Variants in CDH4 observed in about 807,000 individuals in gnomAD.
CDH4 encodes cadherin 4.
A neutral mutation model predicts 86.0 loss-of-function variants in CDH4; 33 were observed. The observed-to-expected ratio is 0.38, with a 90% CI of 0.29 to 0.51. The LOEUF (loss-of-function observed/expected upper bound fraction) is 0.51, where lower values mean the gene tolerates loss of function less well. Among genes scored for constraint, CDH4 ranks in the 20% least tolerant of loss-of-function variants. CDH4 has a pLI of 0.86. For missense variants in CDH4, 1,114 were observed against 1,307.4 expected (o/e 0.85, Z 2.28); for synonymous variants, 555 against 549.4 (o/e 1.01, Z -0.14).
intron 5 of CDH4, among the ~76,000 whole-genome samples, chr20:61,849,428 G>A (rs1982610663): frequency 6.6e-6 from 1 of 152,346 alleles, no homozygotes; most frequent in South Asian, 2.1e-4. Context: ...TCACCGTGCT[G>A]TAGGTCAGAA....
intron 2 of CDH4, among the ~76,000 whole-genome samples, chr20:61,394,443 G>A (rs183039718): frequency 2.0e-4 from 30 of 152,286 alleles, no homozygotes; most frequent in African/African-American, 5.8e-4. Context: ...CTGGAAAGAT[G>A]TGTATTTCTT....
intron 2 of CDH4, among the ~76,000 whole-genome samples, chr20:61,399,279 C>T (rs2085036636): frequency 9.3e-6 from 1 of 107,874 alleles, no homozygotes. Context: ...ACTACAGGCG[C>T]CCGCCACCAT....
chr20:61,846,951 C>T (rs1982483015), intron 5 of CDH4, among the ~76,000 whole-genome samples: 1 of 152,206 alleles, frequency 6.6e-6, no homozygotes, highest in Non-Finnish European at 1.5e-5. Context: ...CTGAGGGGCA[C>T]CAGAAGTGCT....
At position 61,928,252 on chromosome 20, in the gene CDH4, G is replaced by A. The variant is rs150253018; in HGVS notation, c.1834G>A (p.Ala612Thr). The A allele has an allele frequency of 2.1e-5, 33 of 1,607,512 alleles. No homozygotes were observed. The highest frequency in any genetic ancestry group is 1.6e-4 in the Middle Eastern group (1 of 6,084). The change falls in exon 12 of 16, where the codon GCC becomes ACC. Residue 612 changes from alanine (A) to threonine (T), a missense_variant. Ala to Thr is a moderately conservative substitution (Grantham distance 58). Coordinates refer to ENST00000614565, the MANE Select transcript of CDH4 (RefSeq NM_001794.5). ...CTATCTCATTGACATCAACGACAAC[G>A]CCCCTGAGCTGCTGCCCAAGGAGGC... ...QIYLIDINDN[A>T]PELLPKEAQI...
intron 2 of CDH4, among the ~76,000 whole-genome samples, chr20:61,446,885 C>A (rs1321364722): frequency 6.6e-6 from 1 of 152,130 alleles, no homozygotes; most frequent in African/African-American, 2.4e-5. Flanking sequence ...GTTATTTACA[C>A]ATTTTTATAT....
chr20:61,273,770 G>GTT (rs1290070158), intron 2 of CDH4, among the ~76,000 whole-genome samples: 1 of 147,396 alleles, frequency 6.8e-6, no homozygotes, highest in African/African-American at 2.5e-5. Context: ...ACTGTGCACA[G>GTT]TTTGGAGGAG....
intron 2 of CDH4, among the ~76,000 whole-genome samples, chr20:61,537,879 C>T (rs1011932125): frequency 6.6e-6 from 1 of 152,154 alleles, no homozygotes; most frequent in Non-Finnish European, 1.5e-5. Flanking sequence ...AGGGGCCGAG[C>T]GAGTCGGCTG....
At chr20:61,620,171 T>TGGATGGGTGGAC (rs2086759430) in intron 2 of CDH4, among the ~76,000 whole-genome samples, 1 of 57,954 alleles carries the variant, frequency 1.7e-5, no homozygotes, top group African/African-American at 5.9e-5. Context: ...GATGGATGGA[T>TGGATGGGTGGAC]GGATGGGTGG....
intron 2 of CDH4, among the ~76,000 whole-genome samples, chr20:61,581,821 C>G (rs2086431050): frequency 6.6e-6 from 1 of 152,208 alleles, no homozygotes; most frequent in Non-Finnish European, 1.5e-5. Context: ...CCATGCTTGT[C>G]TGGAATGCCT....
intron 2 of CDH4, among the ~76,000 whole-genome samples, chr20:61,372,333 C>G (rs2084845431): frequency 1.3e-5 from 2 of 152,224 alleles, no homozygotes; most frequent in African/African-American, 4.8e-5. Context: ...GCCCTCCTGC[C>G]CAGTGTTTAC....
At chr20:61,707,979 C>T (rs929638514) in intron 2 of CDH4, among the ~76,000 whole-genome samples, 2 of 152,108 alleles carry the variant, frequency 1.3e-5, no homozygotes, top group African/African-American at 4.8e-5. Context: ...CTTAGGAAGG[C>T]GGCCACCAGG....
chr20:61,277,801 C>T (rs961634009), intron 2 of CDH4, among the ~76,000 whole-genome samples: 4 of 152,142 alleles, frequency 2.6e-5, no homozygotes, highest in East Asian at 1.9e-4. Context: ...ATTACTGTGT[C>T]GGGAGTTTCA....
At chr20:61,798,866 A>G (rs942601347) in intron 4 of CDH4, among the ~76,000 whole-genome samples, 1 of 152,148 alleles carries the variant, frequency 6.6e-6, no homozygotes, top group Non-Finnish European at 1.5e-5. Context: ...GCTCACGTCG[A>G]TGCGTCCTTT....
intron 7 of CDH4, among the ~76,000 whole-genome samples, chr20:61,885,096 CGGG>C: frequency 6.6e-6 from 1 of 152,216 alleles, no homozygotes; most frequent in East Asian, 1.9e-4. Context: ...CTGAGTCCCT[CGGG>C]CCCCTGCAAG....
In CDH4 at chr20:61,873,783, C is replaced by T. The variant is rs1204265186; in HGVS notation, c.933C>T (p.Asn311=). ...ATGCTGACGACAGCACCACGGCCAACGGGATGGTGCGGTACCGGATCGTGA... is the reference window on the plus strand; with the variant it reads ...ATGCTGACGACAGCACCACGGCCAATGGGATGGTGCGGTACCGGATCGTGA... ...ANDADDSTTA[N]GMVRYRIVTQ... Residue 311 remains asparagine, a synonymous_variant, in exon 7 of 16, where the codon AAC becomes AAT. Transcript: ENST00000614565. 8.7e-6 allele frequency: 14 copies of T among 1,614,024 alleles called. No homozygotes were observed. Among genetic ancestry groups the T allele is most frequent in the East Asian group, 2.2e-5 (1 of 44,878 alleles).
chr20:61,487,456 C>T (rs887720286), intron 2 of CDH4, among the ~76,000 whole-genome samples: 9 of 152,086 alleles, frequency 5.9e-5, no homozygotes, highest in Admixed American at 1.3e-4. Context: ...AATGGAGCCT[C>T]CATTCATTCT....
chr20:61,408,344 G>T (rs955193828), intron 2 of CDH4, among the ~76,000 whole-genome samples: 2 of 152,110 alleles, frequency 1.3e-5, no homozygotes, highest in Non-Finnish European at 1.5e-5. Context: ...AACTTGGGGG[G>T]TGGTGTTGCC....
chr20:61,767,648 G>A (rs1201911232), intron 3 of CDH4, among the ~76,000 whole-genome samples: 1 of 152,230 alleles, frequency 6.6e-6, no homozygotes, highest in Non-Finnish European at 1.5e-5. Context: ...TGTCCTATAG[G>A]CAGGGCTTTG....
intron 6 of CDH4, among the ~76,000 whole-genome samples, chr20:61,868,491 A>G (rs932773999): frequency 3.9e-5 from 6 of 152,172 alleles, no homozygotes; most frequent in Admixed American, 2.6e-4. Flanking sequence ...TCAGCATCAT[A>G]GACAGTAGAG....
Sources: gnomAD v4.1 joint callset for allele counts (sites outside exome capture counted in the v4.1 genomes callset) on GRCh38, gnomAD v4.1.1 for gene constraint, MANE v1.5 for transcripts, NCBI Gene and HGNC (gene_info 2026-07-23, HGNC 2026-07-21) for gene names.